PAX8: variants seen among roughly 807,000 people sequenced by gnomAD.
PAX8 encodes paired box protein Pax-8.
In PAX8, 15 loss-of-function variants were observed where a neutral mutation model predicts 52.4. That is an observed-to-expected ratio of 0.29 (90% CI 0.19 to 0.44). The LOEUF is 0.44. PAX8 is among the 20% of genes least tolerant of loss of function. The probability of loss-of-function intolerance (pLI) is 1.00; values close to 1 mark genes in which losing one functional copy is unlikely to be tolerated. For missense variants in PAX8, 554 were observed against 602.5 expected, an observed-to-expected ratio of 0.92 and a Z score of 0.84; for synonymous variants, 284 against 249.7, an observed-to-expected ratio of 1.14 and a Z score of -1.29.
intron 7 of PAX8, chr2:113,238,085 T>G (rs1343022253): frequency 6.8e-6 from 1 of 146,666 alleles, no homozygotes; most frequent in Non-Finnish European, 1.5e-5. Context: ...TTTTTTTTTT[T>G]GTAGACGGAG....
intron 8 of PAX8, 193 bp from the exon 9 acceptor site, chr2:113,235,775 C>A: frequency 1.8e-6 from 1 of 569,298 alleles, no homozygotes; most frequent in Non-Finnish European, 3.1e-6. Context: ...CTAGACCTCC[C>A]TGCTGCGCTT....
intron 8 of PAX8, 122 bp downstream of exon 8, chr2:113,236,479 G>T: frequency 8.3e-7 from 1 of 1,199,562 alleles, no homozygotes; most frequent in Non-Finnish European, 1.1e-6. Flanking sequence ...CCCACCTGGC[G>T]GCCCGGCCGG....
rs563657043 is a variant in PAX8 at position 113,228,084 on chromosome 2, G to A, written c.1088-828C>T. ...TGTAAAGACCTCATTTCCCGGCTCTGCTTCTCCTCTACATCGAGAAATCAC... is the reference window on the plus strand; with the variant it reads ...TGTAAAGACCTCATTTCCCGGCTCTACTTCTCCTCTACATCGAGAAATCAC... On this transcript the variant is annotated intron_variant, in intron 9 of 11. Transcript: ENST00000429538. Among the ~76,000 whole-genome samples the A allele has an allele frequency of 3.9e-5, 6 of 152,270 alleles. No homozygotes were observed. The East Asian group carries it at 7.7e-4, about 20-fold the overall frequency.
Position 113,218,477 on chromosome 2 carries a change from C to A in PAX8, c.*56G>T. 9.9e-7 allele frequency: 1 copy of A among 1,013,162 alleles called. No homozygotes were observed. The highest frequency in any genetic ancestry group is 1.5e-6 in the Non-Finnish European group (1 of 688,612). The allele number at this position is 1,013,162 out of a possible 1,614,324, so 62.8% of individuals were successfully genotyped here. A position where few individuals can be genotyped will look rare whatever the true frequency, so the allele number is the denominator to read the frequency against. ...GATTCCTTTGTGTGACTCTCTGGGG[C>A]CTGTCCCAGGCTGAGTCCTCCTGTT... On this transcript the variant is annotated 3_prime_UTR_variant, in exon 12 of 12. Transcript: ENST00000429538.
At chr2:113,247,651 A>G (rs1691442134) in intron 2 of PAX8, among the ~76,000 whole-genome samples, 1 of 152,234 alleles carries the variant, frequency 6.6e-6, no homozygotes, top group Non-Finnish European at 1.5e-5. Context: ...GGATGTGTGT[A>G]CACGTTCCCT....
chr2:113,261,126 A>G (rs1415625240), intron 2 of PAX8, among the ~76,000 whole-genome samples: 1 of 152,132 alleles, frequency 6.6e-6, no homozygotes, highest in Non-Finnish European at 1.5e-5. Flanking sequence ...AGCTGCCCTC[A>G]CTGCTGCAGA....
rs756948236 is a variant in PAX8 at position 113,217,506 on chromosome 2, T to TGA, written c.*1025_*1026dup. 8.7e-5 allele frequency: 20 copies of TGA among 230,244 alleles called. No individual in the cohort carries two copies. Among genetic ancestry groups the TGA allele is most frequent in the Non-Finnish European group, 1.6e-4 (19 of 116,054 alleles). 14.3% of individuals were successfully genotyped at this position (230,244 alleles called of 1,614,324 possible). A position where few individuals can be genotyped will look rare whatever the true frequency, so the allele number is the denominator to read the frequency against. On this transcript the variant is annotated 3_prime_UTR_variant, in exon 12 of 12. Coordinates refer to ENST00000429538, the MANE Select transcript of PAX8 (RefSeq NM_003466.4). ...TCTGGGGGTTAGAAAGAAGGAAGCT[T>TGA]GACCCAAACAAAGTTTCATTTACAG... is the stretch of plus-strand genomic sequence containing the variant.
At chr2:113,241,411 G>T in intron 7 of PAX8, 140 bp downstream of exon 7, 1 of 796,792 alleles carries the variant, frequency 1.3e-6, no homozygotes, top group Non-Finnish European at 2.1e-6. Context: ...CATGTGTCAG[G>T]CTTGGAGTTG....
chr2:113,272,104 T>C (rs570794969), intron 2 of PAX8: 1 of 150,516 alleles, frequency 6.6e-6, no homozygotes, highest in Non-Finnish European at 1.5e-5. Flanking sequence ...TTCAGGACTA[T>C]GGAGGGTCCA....
chr2:113,245,705 T>A (rs1229667839), intron 3 of PAX8, among the ~76,000 whole-genome samples: 1 of 152,178 alleles, frequency 6.6e-6, no homozygotes, highest in Non-Finnish European at 1.5e-5. Context: ...TCTGCTCTCA[T>A]CTGCATGAAA....
chr2:113,258,799 A>C (rs1367661491), intron 2 of PAX8, among the ~76,000 whole-genome samples: 1 of 151,852 alleles, frequency 6.6e-6, no homozygotes, highest in Non-Finnish European at 1.5e-5. Flanking sequence ...GGTTGGCTTC[A>C]CTGTGTGGTT....
chr2:113,241,485 AT>A (rs1050061314), intron 7 of PAX8, 65 bp downstream of exon 7: 2 of 1,475,262 alleles, frequency 1.4e-6, no homozygotes, highest in African/African-American at 2.8e-5. Flanking sequence ...GCACAGGCTC[AT>A]TTGGAGAATA....
intron 9 of PAX8, among the ~76,000 whole-genome samples, chr2:113,231,922 T>A (rs1206115321): frequency 3.9e-5 from 6 of 152,142 alleles, no homozygotes; most frequent in Non-Finnish European, 8.8e-5. Flanking sequence ...GAGATGGGGT[T>A]TCTCCATGTT....
intron 9 of PAX8, chr2:113,230,579 G>C (rs1024961912): frequency 7.2e-5 from 11 of 152,158 alleles, no homozygotes; most frequent in Non-Finnish European, 1.5e-4. Flanking sequence ...GACGCCTGAG[G>C]CTTCCTGCCA....
chr2:113,238,114 A>G (rs901421451), intron 7 of PAX8: 4 of 148,750 alleles, frequency 2.7e-5, no homozygotes, highest in Admixed American at 6.8e-5. Context: ...TTGTTGCCCA[A>G]GCTGGAGTGC....
chr2:113,216,284 G>A lies in PAX8; in HGVS notation c.*2249C>T, dbSNP rs1689027223. 1 of 231,516 alleles carries A rather than the reference G, an allele frequency of 4.3e-6. No homozygotes were observed. Among genetic ancestry groups the A allele is most frequent in the African/African-American group, 2.2e-5 (1 of 45,240 alleles). The allele number at this position is 231,516 out of a possible 1,614,324, so 14.3% of individuals were successfully genotyped here. A position where few individuals can be genotyped will look rare whatever the true frequency, so the allele number is the denominator to read the frequency against. On this transcript the variant is annotated 3_prime_UTR_variant, in exon 12 of 12. Transcript: ENST00000429538. ...CATCTCAGATCCCTTCAGAAGAGAT[G>A]GATTTTCTTCCAGGAGGGTTCCCCC...
intron 7 of PAX8, chr2:113,239,543 A>C (rs1573451856): frequency 1.3e-5 from 2 of 152,382 alleles, no homozygotes; most frequent in South Asian, 4.1e-4. Context: ...TAGGAAAAGC[A>C]AAGGCCAGGC....
At chr2:113,244,109 G>A (rs1280563179) in intron 4 of PAX8, among the ~76,000 whole-genome samples, 1 of 152,226 alleles carries the variant, frequency 6.6e-6, no homozygotes, top group African/African-American at 2.4e-5. Context: ...TGGGTTAGGG[G>A]TCTGATGGCT....
chr2:113,276,479 G>T (rs771160773), intron 2 of PAX8: 6 of 152,116 alleles, frequency 3.9e-5, no homozygotes, highest in Admixed American at 3.9e-4. Context: ...AGGGGCAGAG[G>T]GCTCCCTCCC....
Sources: gnomAD v4.1 joint callset for allele counts (sites outside exome capture counted in the v4.1 genomes callset) on GRCh38, gnomAD v4.1.1 for gene constraint, MANE v1.5 for transcripts, NCBI Gene and HGNC (gene_info 2026-07-23, HGNC 2026-07-21) for gene names.